The following TRIM4 variants were observed in gnomAD, a reference collection of about 807,000 sequenced individuals.
The protein encoded by TRIM4 is E3 ubiquitin-protein ligase TRIM4.
A neutral mutation model predicts 33.7 loss-of-function variants in TRIM4; 29 were observed. The ratio of observed to expected loss-of-function variants is 0.86; its 90% CI spans 0.64 to 1.17. The LOEUF is 1.17. Among genes scored for constraint, TRIM4 ranks in the 50% most tolerant of loss-of-function variants. The pLI is 0.00. For missense variants in TRIM4, 554 were observed against 593.7 expected (o/e 0.93, Z 0.69); for synonymous variants, 224 against 233.0 (o/e 0.96, Z 0.35).
chr7:99,892,610 C>G lies in TRIM4; in HGVS notation c.978G>C (p.Arg326Ser), dbSNP rs775199072. The G allele has an allele frequency of 1.3e-5, 21 of 1,614,194 alleles. No individual in the cohort carries two copies. Among genetic ancestry groups the G allele is most frequent in the Non-Finnish European group, 1.8e-5 (21 of 1,180,044 alleles). The change falls in exon 6 of 6, where the codon AGG (arginine) becomes AGC (serine). Residue 326 changes from arginine (R) to serine (S), a missense_variant. Coordinates refer to ENST00000349062, the MANE Select transcript of TRIM4 (RefSeq NM_033091.3). ...CTACAAAAGCAGTCTTCTGAGGATTCCTCCATCCAGCAAAGTAGTTCCATG... is the reference window on the plus strand; with the variant it reads ...CTACAAAAGCAGTCTTCTGAGGATTGCTCCATCCAGCAAAGTAGTTCCATG... ...SSAWNYFAGW[R>S]NPQKTAFVER...
intron 5 of TRIM4, among the ~76,000 whole-genome samples, chr7:99,899,275 C>A (rs1819098624): frequency 6.6e-6 from 1 of 152,180 alleles, no homozygotes; most frequent in Non-Finnish European, 1.5e-5. Context: ...AATCGAGGCC[C>A]TTTCTTTTGG....
At chr7:99,907,971 C>G (rs1327199506) in intron 3 of TRIM4, among the ~76,000 whole-genome samples, 1 of 152,072 alleles carries the variant, frequency 6.6e-6, no homozygotes, top group African/African-American at 2.4e-5. Context: ...CTAAAAGAAG[C>G]TATAAGGACA....
In TRIM4 at chr7:99,901,945, C is replaced by G. The variant is rs1467504648; in HGVS notation, c.841+1273G>C. 4 of 605,028 alleles carry G rather than the reference C, an allele frequency of 6.6e-6. No individual in the cohort carries two copies. The Admixed American group carries it at 1.2e-4, about 17-fold the overall frequency. The allele number at this position is 605,028 out of a possible 1,614,324, so 37.5% of individuals were successfully genotyped here. A position where few individuals can be genotyped will look rare whatever the true frequency, so the allele number is the denominator to read the frequency against. On this transcript the variant is annotated intron_variant, in intron 5 of 5. Transcript: ENST00000349062. ...CTCTCACTACTTTGTTCTCCGTGAACTCCCAGGTCTATTCCTCAACTCAGC... is the reference window on the plus strand; with the variant it reads ...CTCTCACTACTTTGTTCTCCGTGAAGTCCCAGGTCTATTCCTCAACTCAGC...
At chr7:99,902,905 C>T (rs1191859849) in intron 5 of TRIM4, among the ~76,000 whole-genome samples, 1 of 152,028 alleles carries the variant, frequency 6.6e-6, no homozygotes, top group East Asian at 1.9e-4. Flanking sequence ...CTCTGAATTT[C>T]TGTAACATTT....
chr7:99,907,475 A>G (rs1441419854), intron 3 of TRIM4, among the ~76,000 whole-genome samples: 1 of 152,216 alleles, frequency 6.6e-6, no homozygotes, highest in African/African-American at 2.4e-5. Context: ...AATTTTTTGT[A>G]AACATTCTGC....
At chr7:99,918,309 T>C (rs1349937834) in intron 1 of TRIM4, among the ~76,000 whole-genome samples, 1 of 152,172 alleles carries the variant, frequency 6.6e-6, no homozygotes, top group Non-Finnish European at 1.5e-5. Flanking sequence ...GACTCACACC[T>C]TAATCCCAGC....
At chr7:99,913,694 T>TAAATAAAA in intron 1 of TRIM4, among the ~76,000 whole-genome samples, 1 of 151,746 alleles carries the variant, frequency 6.6e-6, no homozygotes, top group African/African-American at 2.4e-5. Context: ...AATAAATAAA[T>TAAATAAAA]AAAAATAATA....
At chr7:99,912,893 T>C (rs1178355208) in intron 1 of TRIM4, among the ~76,000 whole-genome samples, 2 of 152,252 alleles carry the variant, frequency 1.3e-5, no homozygotes, top group East Asian at 3.8e-4. Flanking sequence ...CCTAACATTA[T>C]ATCATCTATT....
intron 2 of TRIM4, 100 bp from the exon 3 acceptor site, chr7:99,908,912 A>C: frequency 8.7e-7 from 1 of 1,148,718 alleles, no homozygotes; most frequent in Non-Finnish European, 1.2e-6. Context: ...TCCTAATCAA[A>C]CCCTCTTGAA....
At chr7:99,903,148 C>T in intron 5 of TRIM4, 70 bp downstream of exon 5, 2 of 1,222,798 alleles carry the variant, frequency 1.6e-6, no homozygotes, top group Non-Finnish European at 2.3e-6. Context: ...CTTTCCTCTC[C>T]AGACTTCTCT....
chr7:99,919,356 G>C lies in TRIM4; in HGVS notation c.46C>G (p.Leu16Val), dbSNP rs1335126305. The change falls in exon 1 of 6, where the codon CTG becomes GTG. Residue 16 changes from leucine (L) to valine (V), a missense_variant. This residue lies in a region of TRIM4 where 233 missense variants were observed against 203.1 expected (regional missense o/e 1.15). Coordinates refer to ENST00000349062, the MANE Select transcript of TRIM4 (RefSeq NM_033091.3). ...GACACCGGGTCCTGGAAATAGTCCA[G>C]GCAGATGGGGCAGGTCAACTCCTCC... The part of the protein sequence containing the change: ...IQEELTCPIC[L>V]DYFQDPVSIE... The C allele has an allele frequency of 1.3e-6, 2 of 1,577,342 alleles. No homozygotes were observed. Among genetic ancestry groups the C allele is most frequent in the African/African-American group, 1.4e-5 (1 of 71,912 alleles).
At chr7:99,899,577 A>T (rs994135437) in intron 5 of TRIM4, among the ~76,000 whole-genome samples, 1 of 152,176 alleles carries the variant, frequency 6.6e-6, no homozygotes, top group Non-Finnish European at 1.5e-5. Flanking sequence ...TGAGAACTGT[A>T]TCATAGTATA....
At chr7:99,911,175 G>T (rs967062004) in intron 1 of TRIM4, among the ~76,000 whole-genome samples, 1 of 152,318 alleles carries the variant, frequency 6.6e-6, no homozygotes, top group African/African-American at 2.4e-5. Flanking sequence ...AGCACAGGTG[G>T]CAGTTGGAGC....
At position 99,892,214 on chromosome 7, in the gene TRIM4, C is replaced by T. The variant is rs1818906513; in HGVS notation, c.1374G>A (p.Trp458Ter). The change falls in exon 6 of 6, where the codon TGG becomes TGA. Residue 458 changes from tryptophan (W) to a stop codon, truncating the protein, a stop_gained. Transcript: ENST00000349062. LOFTEE classifies it high-confidence loss of function. ...SSVSRLRPFF[W>*]LSPLASLVIP... ...TGACTAAAGATGCTAATGGACTCAA[C>T]CAAAAAAATGGCCGGAGGCGTGAGA... 6.2e-7 allele frequency: 1 copy of T among 1,613,626 alleles called. No homozygotes were observed. Among genetic ancestry groups the T allele is most frequent in the Non-Finnish European group, 8.5e-7 (1 of 1,179,908 alleles).
chr7:99,917,691 C>A (rs947052175), intron 1 of TRIM4: 1 of 557,566 alleles, frequency 1.8e-6, no homozygotes, highest in Non-Finnish European at 2.3e-6. Flanking sequence ...TGCATTCCAG[C>A]CTGGGCAACA....
Position 99,890,709 on chromosome 7 carries a change from G to A in TRIM4, c.*1454C>T, listed in dbSNP as rs1467858664. Reference sequence around the variant, plus strand: ...ACAAAAAAGGGAACAACAGACACCAGGGACTACTTGAGGGTAGAGGGTGGA... The same window carrying A: ...ACAAAAAAGGGAACAACAGACACCAAGGACTACTTGAGGGTAGAGGGTGGA... On this transcript the variant is annotated 3_prime_UTR_variant, in exon 6 of 6. Coordinates refer to ENST00000349062, the MANE Select transcript of TRIM4 (RefSeq NM_033091.3). The A allele has an allele frequency of 6.6e-6, 1 of 152,112 alleles. No homozygotes were observed. Among genetic ancestry groups the A allele is most frequent in the African/African-American group, 2.4e-5 (1 of 41,388 alleles). 9.4% of individuals were successfully genotyped at this position (152,112 alleles called of 1,614,324 possible).
chr7:99,893,199 G>A (rs1275374928), intron 5 of TRIM4, among the ~76,000 whole-genome samples: 2 of 152,252 alleles, frequency 1.3e-5, no homozygotes, highest in African/African-American at 2.4e-5. Flanking sequence ...CCCAGAAGGC[G>A]GAGGTTGTAG....
At chr7:99,895,738 T>C (rs1165823899) in intron 5 of TRIM4, among the ~76,000 whole-genome samples, 3 of 152,250 alleles carry the variant, frequency 2.0e-5, no homozygotes, top group African/African-American at 7.2e-5. Flanking sequence ...CAGAAATGTT[T>C]AGAACTTACA....
chr7:99,908,372 C>A (rs1374167822), intron 3 of TRIM4: 2 of 485,106 alleles, frequency 4.1e-6, no homozygotes, highest in East Asian at 3.0e-5. Flanking sequence ...ATCAACTTAT[C>A]TCCTATGAGC....
Sources: gnomAD v4.1 joint callset for allele counts (sites outside exome capture counted in the v4.1 genomes callset) on GRCh38, gnomAD v4.1.1 for gene constraint, gnomAD v4.1.1 regional missense constraint, MANE v1.5 for transcripts, NCBI Gene and HGNC (gene_info 2026-07-23, HGNC 2026-07-21) for gene names.